Variants in LYN observed in about 807,000 individuals in gnomAD.
LYN encodes the protein LYN proto-oncogene, Src family tyrosine kinase, also known as tyrosine-protein kinase Lyn.
Under a neutral mutation model 65.0 loss-of-function variants are expected in LYN, and 12 were observed. That is an observed-to-expected ratio of 0.18 (90% CI 0.12 to 0.30). The LOEUF is 0.30. Among genes scored for constraint, LYN ranks in the 10% least tolerant of loss-of-function variants. The pLI, the probability that LYN is intolerant of heterozygous loss-of-function variation, is 1.00. For synonymous variants in LYN, 222 were observed against 221.2 expected, an observed-to-expected ratio of 1.00 and a Z score of -0.03; for missense variants, 380 against 623.2, an observed-to-expected ratio of 0.61 and a Z score of 4.16.
At chr8:55,953,671 C>T (rs1807017324) in intron 7 of LYN, among the ~76,000 whole-genome samples, 161 bp from the exon 8 acceptor site, 1 of 151,922 alleles carries the variant, frequency 6.6e-6, no homozygotes, top group Admixed American at 6.6e-5. Flanking sequence ...ACAAAAAAAA[C>T]CCACAAATTT....
chr8:55,982,995 C>T (rs1317869987), intron 10 of LYN, among the ~76,000 whole-genome samples: 1 of 152,036 alleles, frequency 6.6e-6, no homozygotes, highest in African/African-American at 2.4e-5. Context: ...ACTCATTGCC[C>T]CTCCCCCATG....
At chr8:55,908,985 GTATGTATATATATATA>G (rs1805508047) in intron 1 of LYN, among the ~76,000 whole-genome samples, 1 of 17,692 alleles carries the variant, frequency 5.7e-5, no homozygotes, top group Admixed American at 5.2e-4. Context: ...ATTCCATTGT[GTATGTATATATATATA>G]TATATATATA....
At chr8:55,930,446 A>G (rs555002158) in intron 1 of LYN, among the ~76,000 whole-genome samples, 7 of 152,188 alleles carry the variant, frequency 4.6e-5, no homozygotes, top group Admixed American at 3.3e-4. Flanking sequence ...TCTGGAAACA[A>G]AGTTGATGTT....
Position 55,950,668 on chromosome 8 carries a change from A to T in LYN, c.384-13A>T. 1 of 1,604,556 alleles carries T rather than the reference A, an allele frequency of 6.2e-7. No individual in the cohort carries two copies. On this transcript the variant is annotated splice_polypyrimidine_tract_variant and intron_variant, in intron 5 of 12. Transcript: ENST00000519728. ...GAACATAATATGCAGGAAATGTTGA[A>T]ATGTCTTCACAGGTGGTTTTTCAAG... is the stretch of plus-strand genomic sequence containing the variant.
In LYN at chr8:55,946,470, C is replaced by G; in HGVS notation, c.155C>G (p.Pro52Arg). Residue 52 changes from proline (P) to arginine (R), a missense_variant, in exon 3 of 13, where the codon CCT becomes CGT. Physicochemically the swap from Pro to Arg is moderately radical, Grantham distance 103 (BLOSUM62 -2). Around this residue, in one of 2 missense-constraint regions of LYN, gnomAD observed 157 missense variants for 193.2 expected, o/e 0.81. Transcript: ENST00000519728. ...TAGGTTCCAGAATCTCAGCTTTTAC[C>G]TGGACAGAGGTTTCAAACTAAAGGT... is the stretch of plus-strand genomic sequence containing the variant. Reference protein sequence around the residue: ...QRPVPESQLLPGQRFQTKDPE... With the variant: ...QRPVPESQLLRGQRFQTKDPE... 1 of 1,610,980 alleles carries G rather than the reference C, an allele frequency of 6.2e-7. No homozygotes were observed. The highest frequency in any genetic ancestry group is 8.5e-7 in the Non-Finnish European group (1 of 1,177,874).
At chr8:55,889,759 G>A (rs1804899832) in intron 1 of LYN, among the ~76,000 whole-genome samples, 1 of 152,140 alleles carries the variant, frequency 6.6e-6, no homozygotes, top group Non-Finnish European at 1.5e-5. Flanking sequence ...GGGCAGGGCG[G>A]TAGAGCACAG....
At chr8:55,934,681 G>A (rs991103210) in intron 1 of LYN, among the ~76,000 whole-genome samples, 50 of 152,182 alleles carry the variant, frequency 3.3e-4, no homozygotes, top group Admixed American at 3.1e-3. Context: ...GAAGAGAAGA[G>A]AAGAGCCAAC....
intron 12 of LYN, among the ~76,000 whole-genome samples, chr8:56,009,612 A>G (rs1808760087): frequency 6.6e-6 from 1 of 152,094 alleles, no homozygotes; most frequent in African/African-American, 2.4e-5. Context: ...CTCCTCTTAT[A>G]AGGATACTAG....
intron 10 of LYN, among the ~76,000 whole-genome samples, chr8:55,996,151 G>A (rs1338663184): frequency 2.0e-5 from 3 of 152,186 alleles, no homozygotes. Context: ...GCATTAAACA[G>A]CATAAAAATA....
At chr8:55,900,539 ATTTTT>A (rs5891598) in intron 1 of LYN, among the ~76,000 whole-genome samples, 5 of 126,420 alleles carry the variant, frequency 4.0e-5, no homozygotes, top group African/African-American at 6.0e-5. Flanking sequence ...TGCCCAGCTA[ATTTTT>A]TTTTTTTTTT....
At chr8:55,920,018 C>T (rs1805900832) in intron 1 of LYN, among the ~76,000 whole-genome samples, 1 of 152,178 alleles carries the variant, frequency 6.6e-6, no homozygotes, top group African/African-American at 2.4e-5. Flanking sequence ...TCATTTTTTA[C>T]TCAGTGACAA....
At chr8:55,999,949 C>T (rs1020514365) in intron 12 of LYN, among the ~76,000 whole-genome samples, 7 of 152,186 alleles carry the variant, frequency 4.6e-5, no homozygotes, top group South Asian at 4.1e-4. Flanking sequence ...CCAGCCTACA[C>T]GACAGAGTGA....
chr8:55,976,455 C>A (rs963782780), intron 10 of LYN, among the ~76,000 whole-genome samples: 8 of 152,198 alleles, frequency 5.3e-5, no homozygotes, highest in African/African-American at 1.9e-4. Flanking sequence ...TCTCCCTGAG[C>A]CCCCTCACCC....
At chr8:55,954,526 C>T (rs1015797357) in intron 8 of LYN, among the ~76,000 whole-genome samples, 1 of 152,218 alleles carries the variant, frequency 6.6e-6, no homozygotes, top group African/African-American at 2.4e-5. Context: ...TTCTTTTCAT[C>T]TACCTACTTT....
chr8:55,883,541 C>G (rs972991896), intron 1 of LYN, among the ~76,000 whole-genome samples: 1 of 152,212 alleles, frequency 6.6e-6, no homozygotes, highest in Admixed American at 6.5e-5. Context: ...TAGTGACTGT[C>G]TTGGGGGCAA....
chr8:55,933,099 C>G (rs1488962148), intron 1 of LYN, among the ~76,000 whole-genome samples: 1 of 152,154 alleles, frequency 6.6e-6, no homozygotes, highest in Admixed American at 6.5e-5. Flanking sequence ...CACATGTATT[C>G]CTGAACCTAA....
intron 1 of LYN, among the ~76,000 whole-genome samples, chr8:55,909,042 CA>C (rs1338136995): frequency 0.035 from 2,827 of 80,196 alleles, 292 homozygotes; most frequent in Middle Eastern, 0.05. Flanking sequence ...CACACACACA[CA>C]CACACACACC....
At chr8:55,908,798 GT>G (rs1302977809) in intron 1 of LYN, among the ~76,000 whole-genome samples, 8 of 151,580 alleles carry the variant, frequency 5.3e-5, no homozygotes, top group Non-Finnish European at 1.0e-4. Context: ...CTGTGTCCAT[GT>G]GTGCAGATTA....
At chr8:55,916,930 A>C (rs973674642) in intron 1 of LYN, among the ~76,000 whole-genome samples, 2 of 151,988 alleles carry the variant, frequency 1.3e-5, no homozygotes, top group African/African-American at 2.4e-5. Context: ...TAATCCCAGC[A>C]CTTTGGGAGG....
Sources: gnomAD v4.1 joint callset for allele counts (sites outside exome capture counted in the v4.1 genomes callset) on GRCh38, gnomAD v4.1.1 for gene constraint, gnomAD v4.1.1 regional missense constraint, MANE v1.5 for transcripts, NCBI Gene and HGNC (gene_info 2026-07-23, HGNC 2026-07-21) for gene names.